Variants in IRAK1BP1 observed in about 807,000 individuals in gnomAD.
IRAK1BP1 encodes interleukin 1 receptor associated kinase 1 binding protein 1.
A neutral mutation model predicts 28.0 loss-of-function variants in IRAK1BP1; 24 were observed. The observed-to-expected ratio is 0.86, with a 90% CI of 0.62 to 1.20. The LOEUF (loss-of-function observed/expected upper bound fraction) is 1.20. IRAK1BP1 is among the 50% of genes most tolerant of loss of function. The pLI is 0.00. For synonymous variants in IRAK1BP1, 131 were observed against 116.3 expected (o/e 1.13, Z -0.81); for missense variants, 336 against 316.7 (o/e 1.06, Z -0.46).
chr6:78,891,154 A>G (rs952049692), intron 2 of IRAK1BP1, among the ~76,000 whole-genome samples: 1 of 152,230 alleles, frequency 6.6e-6, no homozygotes, highest in East Asian at 1.9e-4. Flanking sequence ...TTTGAAGGAC[A>G]TGTACAACTA....
At chr6:78,874,192 C>G (rs1770904794) in intron 1 of IRAK1BP1, among the ~76,000 whole-genome samples, 1 of 152,132 alleles carries the variant, frequency 6.6e-6, no homozygotes, top group Admixed American at 6.6e-5. Flanking sequence ...AATAGACAAC[C>G]TAAACTTATT....
At chr6:78,935,820 C>A in intron 4 of IRAK1BP1, 1 of 851,992 alleles carries the variant, frequency 1.2e-6, no homozygotes, top group Non-Finnish European at 1.4e-6. Flanking sequence ...TTATGTGATG[C>A]CAAAAAACTT....
intron 4 of IRAK1BP1, chr6:78,941,118 G>T (rs771234803): frequency 6.2e-7 from 1 of 1,613,830 alleles, no homozygotes; most frequent in Admixed American, 1.7e-5. Context: ...TCTCTGATGG[G>T]ATGCACATTA....
intron 1 of IRAK1BP1, among the ~76,000 whole-genome samples, chr6:78,877,604 T>C (rs1190155736): frequency 6.6e-6 from 1 of 151,974 alleles, no homozygotes; most frequent in Non-Finnish European, 1.5e-5. Flanking sequence ...CCAACTGAGG[T>C]ACTGGGTTCA....
rs755064751 is a variant in IRAK1BP1 at position 78,940,911 on chromosome 6, T to A, written c.*68-4497T>A. The A allele has an allele frequency of 1.2e-6, 2 of 1,613,642 alleles. No homozygotes were observed. The highest frequency in any genetic ancestry group is 2.7e-5 in the African/African-American group (2 of 74,894). On this transcript the variant is annotated intron_variant and NMD_transcript_variant, in intron 4 of 4. Coordinates refer to the IRAK1BP1 transcript ENST00000606868. ...TCTTCAAACTCTTCTTCCTCATCTA[T>A]AGGATCATCTATCTTTTTTCGGTTA... is the stretch of plus-strand genomic sequence containing the variant.
At chr6:78,963,081 G>A in the IRAK1BP1 span, 47 of 1,558,976 alleles carry the variant, frequency 3.0e-5, no homozygotes, top group East Asian at 7.0e-5. Context: ...CTATACTCGC[G>A]TGTTGCTTTA....
chr6:78,966,656 C>T, the IRAK1BP1 span, among the ~76,000 whole-genome samples: 1 of 152,164 alleles, frequency 6.6e-6, no homozygotes, highest in Admixed American at 6.5e-5. Flanking sequence ...TTTCCTTATC[C>T]AATTGCTGTC....
Position 78,867,658 on chromosome 6 carries a change from G to T in IRAK1BP1, c.82G>T (p.Ala28Ser). 6.2e-7 allele frequency: 1 copy of T among 1,614,248 alleles called. No homozygotes were observed. The highest frequency in any genetic ancestry group is 1.1e-5 in the South Asian group (1 of 91,082). Reference protein sequence around the residue: ...WADRSRENNLASGRETLPGLR... With the variant: ...WADRSRENNLSSGRETLPGLR... ...TGACCGGAGCCGGGAGAACAACCTG[G>T]CCTCAGGGAGAGAGACGCTACCGGG... Residue 28 changes from alanine to serine, a missense_variant, in exon 1 of 4, where the codon GCC becomes TCC. Physicochemically the swap from Ala to Ser is moderately conservative, Grantham distance 99 (BLOSUM62 1). Transcript: ENST00000369940.
In IRAK1BP1 at chr6:78,927,277, T is replaced by A. The variant is rs187915730; in HGVS notation, c.*68-18131T>A. Among the ~76,000 whole-genome samples the A allele has an allele frequency of 5.9e-5, 9 of 152,316 alleles. No homozygotes were observed. The East Asian group carries it at 1.4e-3, about 23-fold the overall frequency. ...AGATGATATCCCATCGTAGTTTTGA[T>A]TTGCATTTCTCTGTTGACCAGTGAT... On this transcript the variant is annotated intron_variant and NMD_transcript_variant, in intron 4 of 4. Transcript: ENST00000606868.
chr6:78,895,281 A>G (rs1196943075), intron 2 of IRAK1BP1, among the ~76,000 whole-genome samples: 1 of 152,178 alleles, frequency 6.6e-6, no homozygotes, highest in African/African-American at 2.4e-5. Context: ...AGGAAACTAG[A>G]AAGTGTATAA....
chr6:78,927,395 G>T (rs1772919199), intron 4 of IRAK1BP1, among the ~76,000 whole-genome samples: 1 of 151,958 alleles, frequency 6.6e-6, no homozygotes, highest in Admixed American at 6.6e-5. Context: ...TCGGATTATT[G>T]GATGTTTTTC....
intron 2 of IRAK1BP1, among the ~76,000 whole-genome samples, chr6:78,885,818 T>C (rs1231294589): frequency 6.6e-6 from 1 of 152,180 alleles, no homozygotes; most frequent in Admixed American, 6.5e-5. Context: ...TTCAGTGCAA[T>C]TTTACTGTAT....
chr6:78,887,535 G>A (rs556358668), intron 2 of IRAK1BP1, among the ~76,000 whole-genome samples: 12 of 151,944 alleles, frequency 7.9e-5, no homozygotes, highest in African/African-American at 2.4e-4. Flanking sequence ...GTGTGGTGGC[G>A]GGCGCCTGTA....
intron 4 of IRAK1BP1, among the ~76,000 whole-genome samples, chr6:78,916,964 A>G (rs1252144101): frequency 6.6e-6 from 1 of 152,136 alleles, no homozygotes; most frequent in African/African-American, 2.4e-5. Flanking sequence ...TAGAAGTTCC[A>G]GTGTCTTCAG....
the IRAK1BP1 span, chr6:78,966,009 T>C: frequency 1.2e-6 from 2 of 1,613,946 alleles, no homozygotes; most frequent in South Asian, 1.1e-5. Context: ...TGGCTTTCGA[T>C]TGTTCCAAAC....
At chr6:78,938,276 G>C (rs1773346019) in intron 4 of IRAK1BP1, 1 of 151,754 alleles carries the variant, frequency 6.6e-6, no homozygotes, top group African/African-American at 2.4e-5. Flanking sequence ...TAAATATACA[G>C]TGTCTGTAGA....
chr6:78,869,700 T>C (rs1260589107), intron 1 of IRAK1BP1, among the ~76,000 whole-genome samples: 1 of 152,220 alleles, frequency 6.6e-6, no homozygotes, highest in East Asian at 1.9e-4. Flanking sequence ...GAATGAATTA[T>C]GGGTCTTCAC....
chr6:78,949,054 A>T (rs1222570379), downstream of IRAK1BP1, among the ~76,000 whole-genome samples: 2 of 152,130 alleles, frequency 1.3e-5, no homozygotes, highest in African/African-American at 2.4e-5. Flanking sequence ...AACATTTTTC[A>T]GTCATTCCTA....
At chr6:78,952,052 T>C in the IRAK1BP1 span, among the ~76,000 whole-genome samples, 1 of 152,220 alleles carries the variant, frequency 6.6e-6, no homozygotes, top group African/African-American at 2.4e-5. Flanking sequence ...TTTTCACTCT[T>C]ATTCTAGGTA....
Sources: allele counts gnomAD v4.1 joint callset (sites outside exome capture counted in the v4.1 genomes callset), GRCh38; gene constraint gnomAD v4.1.1; transcripts MANE v1.5; gene names NCBI Gene and HGNC (gene_info 2026-07-23, HGNC 2026-07-21).